The following LSM1 variants were observed in gnomAD, a reference collection of about 807,000 sequenced individuals.
LSM1 encodes the protein LSM1 homolog, mRNA degradation associated.
In LSM1, 13 loss-of-function variants were observed where a neutral mutation model predicts 18.0. That is an observed-to-expected ratio of 0.72 (90% CI 0.47 to 1.15). The LOEUF is 1.15. Ranked by LOEUF, LSM1 falls within the 50% of genes most tolerant of loss-of-function variation. The pLI, the probability that LSM1 is intolerant of heterozygous loss-of-function variation, is 0.00. For synonymous variants in LSM1, 46 were observed against 56.0 expected, an observed-to-expected ratio of 0.82 and a Z score of 0.80; for missense variants, 152 against 157.7, an observed-to-expected ratio of 0.96 and a Z score of 0.19.
Position 38,172,023 on chromosome 8 carries a change from C to T in LSM1, c.57G>A (p.Leu19=), listed in dbSNP as rs1335207874. ...SLIEDIDKKH[L]VLLRDGRTLI... is the part of the protein sequence containing the mutation. ...GTGTCCTTCCATCTCGAAGCAGAACCAAGTGCTTTTCTGGGGAGAGAGGAA... is the reference window on the plus strand; with the variant it reads ...GTGTCCTTCCATCTCGAAGCAGAACTAAGTGCTTTTCTGGGGAGAGAGGAA... The change falls in exon 2 of 4, where the codon TTG becomes TTA. Residue 19 remains leucine, a synonymous_variant. Coordinates refer to ENST00000311351, the MANE Select transcript of LSM1 (RefSeq NM_014462.3). 4 of 1,610,406 alleles carry T rather than the reference C, an allele frequency of 2.5e-6. No homozygotes were observed. The highest frequency in any genetic ancestry group is 3.4e-6 in the Non-Finnish European group (4 of 1,178,646).
Position 38,168,245 on chromosome 8 carries a change from G to C in LSM1, c.231+1557C>G, listed in dbSNP as rs190845121. On this transcript the variant is annotated intron_variant, in intron 3 of 3. Transcript: ENST00000311351. ...CGAAGTGCTGGGATTACAGGCGTGA[G>C]GCACCGCACCTGGCCTTGTTTCAGC... is the stretch of plus-strand genomic sequence containing the variant. Among the ~76,000 whole-genome samples, 382 of 151,594 alleles carry C rather than the reference G, an allele frequency of 2.5e-3. 1 individual carries two copies. Among genetic ancestry groups the C allele is most frequent in the African/African-American group, 8.2e-3 (339 of 41,382 alleles).
At chr8:38,173,270 T>C (rs1803060219) in intron 1 of LSM1, among the ~76,000 whole-genome samples, 1 of 152,018 alleles carries the variant, frequency 6.6e-6, no homozygotes, top group African/African-American at 2.4e-5. Context: ...CAAATCTTAA[T>C]TATATGAGAC....
At chr8:38,165,464 A>G (rs1802913133) in intron 3 of LSM1, among the ~76,000 whole-genome samples, 1 of 152,178 alleles carries the variant, frequency 6.6e-6, no homozygotes, top group Admixed American at 6.6e-5. Context: ...AAAATTATCC[A>G]TAATTCCAGT....
chr8:38,173,379 G>T (rs977423863), intron 1 of LSM1, among the ~76,000 whole-genome samples: 2 of 151,970 alleles, frequency 1.3e-5, no homozygotes, highest in Admixed American at 1.3e-4. Context: ...AAGGGGGCGG[G>T]GGGGGAGAAG....
At chr8:38,171,020 C>G in intron 2 of LSM1, 1 of 432,340 alleles carries the variant, frequency 2.3e-6, no homozygotes, top group South Asian at 1.6e-5. Flanking sequence ...TTCCTTGAAA[C>G]AGAAGGAAAC....
intron 3 of LSM1, chr8:38,165,965 A>AT (rs1465565776): frequency 6.6e-6 from 1 of 152,196 alleles, no homozygotes; most frequent in Non-Finnish European, 1.5e-5. Flanking sequence ...TATGCTTAAT[A>AT]TTTTTATTTT....
At chr8:38,164,514 CTT>C (rs11322150) in intron 3 of LSM1, among the ~76,000 whole-genome samples, 14 of 143,684 alleles carry the variant, frequency 9.7e-5, no homozygotes, top group East Asian at 2.0e-4. Flanking sequence ...TGGCCTTAGA[CTT>C]TTTTTTTTTT....
At chr8:38,170,361 G>A (rs1803005336) in intron 2 of LSM1, among the ~76,000 whole-genome samples, 1 of 152,208 alleles carries the variant, frequency 6.6e-6, no homozygotes, top group South Asian at 2.1e-4. Flanking sequence ...TTCTGGGGAA[G>A]GCTAAAATTT....
chr8:38,175,955 A>G, intron 1 of LSM1: 1 of 289,738 alleles, frequency 3.5e-6, no homozygotes. Flanking sequence ...ACGGGGGAGA[A>G]GCCCCCCCCC....
chr8:38,174,257 A>C (rs1803078667), intron 1 of LSM1, among the ~76,000 whole-genome samples: 1 of 152,148 alleles, frequency 6.6e-6, no homozygotes, highest in Admixed American at 6.6e-5. Context: ...GTAACACATG[A>C]GGGGAAGAAC....
chr8:38,176,474 G>A lies in LSM1; in HGVS notation c.-154C>T, dbSNP rs1803148876. ...CCCCGGCTTTCAGCCGCCGGGGGCT[G>A]CCGGAAGCTCCTCCATATTACCCTT... On this transcript the variant is annotated 5_prime_UTR_variant, in exon 1 of 4. Coordinates refer to ENST00000311351, the MANE Select transcript of LSM1 (RefSeq NM_014462.3). 1 of 633,706 alleles carries A rather than the reference G, an allele frequency of 1.6e-6. No homozygotes were observed. Among genetic ancestry groups the A allele is most frequent in the African/African-American group, 1.8e-5 (1 of 54,796 alleles). 39.3% of individuals were successfully genotyped at this position (633,706 alleles called of 1,614,324 possible).
At chr8:38,169,541 C>T (rs896586924) in intron 3 of LSM1, among the ~76,000 whole-genome samples, 23 of 152,264 alleles carry the variant, frequency 1.5e-4, no homozygotes, top group Middle Eastern at 3.4e-3. Context: ...AATATTCCAA[C>T]GTATGTAAGA....
Position 38,165,675 on chromosome 8 carries a change from C to T in LSM1, c.232-1835G>A, listed in dbSNP as rs558492970. ...TCACACCACTGCACTCTAGCCTGGG[C>T]GACAGAGTAAGACTCTGTCTCAAAA... is the stretch of plus-strand genomic sequence containing the variant. On this transcript the variant is annotated intron_variant, in intron 3 of 3. Coordinates refer to ENST00000311351, the MANE Select transcript of LSM1 (RefSeq NM_014462.3). Among the ~76,000 whole-genome samples, 17 of 147,258 alleles carry T rather than the reference C, an allele frequency of 1.2e-4. No individual in the cohort carries two copies. In the South Asian group the frequency reaches 1.9e-3, roughly 17 times the overall value.
intron 3 of LSM1, among the ~76,000 whole-genome samples, chr8:38,167,262 C>G (rs1802949554): frequency 6.6e-6 from 1 of 152,248 alleles, no homozygotes; most frequent in South Asian, 2.1e-4. Flanking sequence ...ACACACACAT[C>G]TACTTAGATG....
intron 1 of LSM1, among the ~76,000 whole-genome samples, chr8:38,175,082 AT>A (rs757848283): frequency 0.032 from 4,042 of 125,162 alleles, 194 homozygotes; most frequent in African/African-American, 0.11. Context: ...CCATAAAATG[AT>A]TTTTTTTTTT....
At chr8:38,176,722 G>T, upstream of LSM1, 2 of 1,088,548 alleles carry the variant, frequency 1.8e-6, no homozygotes, top group Non-Finnish European at 2.5e-6. Context: ...TTCGGGGTTC[G>T]GCAGCAGAAG....
chr8:38,167,941 A>C (rs1409919720), intron 3 of LSM1, among the ~76,000 whole-genome samples: 2 of 151,288 alleles, frequency 1.3e-5, no homozygotes, highest in African/African-American at 4.9e-5. Flanking sequence ...CCCCATGGGT[A>C]CCATGGTACT....
At chr8:38,173,164 A>G (rs1215561934) in intron 1 of LSM1, among the ~76,000 whole-genome samples, 1 of 152,224 alleles carries the variant, frequency 6.6e-6, no homozygotes, top group Non-Finnish European at 1.5e-5. Flanking sequence ...CCATGCCTAA[A>G]GTACTTTCTA....
intron 2 of LSM1, chr8:38,170,908 A>G (rs1803016117): frequency 2.2e-5 from 7 of 317,784 alleles, no homozygotes; most frequent in South Asian, 1.2e-4. Flanking sequence ...ATCTATGTTC[A>G]TATCTTCCAT....
Sources: allele counts gnomAD v4.1 joint callset (sites outside exome capture counted in the v4.1 genomes callset), GRCh38; gene constraint gnomAD v4.1.1; transcripts MANE v1.5; gene names NCBI Gene and HGNC (gene_info 2026-07-23, HGNC 2026-07-21).